MEI1: variants seen among roughly 807,000 people sequenced by gnomAD.
MEI1 encodes the protein meiotic double-stranded break formation protein 1, also known as meiosis inhibitor protein 1.
A neutral mutation model predicts 146.2 loss-of-function variants in MEI1; 103 were observed. The observed-to-expected ratio is 0.70, with a 90% CI of 0.60 to 0.83. The LOEUF is 0.83. Among genes scored for constraint, MEI1 ranks in the 40% least tolerant of loss-of-function variants. MEI1 has a pLI of 0.00. For synonymous variants in MEI1, 652 were observed against 628.2 expected, an observed-to-expected ratio of 1.04 and a Z score of -0.57; for missense variants, 1,529 against 1,533.0, an observed-to-expected ratio of 1.00 and a Z score of 0.04.
intron 11 of MEI1, among the ~76,000 whole-genome samples, chr22:41,740,995 C>T (rs2072811701): frequency 6.6e-6 from 1 of 152,152 alleles, no homozygotes; most frequent in Non-Finnish European, 1.5e-5. Context: ...GCTGCAACCT[C>T]CAACTCCCTG....
intron 1 of MEI1, among the ~76,000 whole-genome samples, chr22:41,702,828 G>A (rs765052927): frequency 1.3e-5 from 2 of 151,502 alleles, no homozygotes; most frequent in Non-Finnish European, 2.9e-5. Context: ...GCGCTATCTC[G>A]GCTCACTGCA....
chr22:41,780,683 C>A (rs1172761171), intron 22 of MEI1, among the ~76,000 whole-genome samples: 1 of 150,752 alleles, frequency 6.6e-6, no homozygotes, highest in Non-Finnish European at 1.5e-5. Flanking sequence ...CGGGCTCAGG[C>A]GATCCTTCCA....
At chr22:41,759,204 A>G (rs1056999975) in intron 18 of MEI1, 1 of 151,990 alleles carries the variant, frequency 6.6e-6, no homozygotes, top group Admixed American at 6.6e-5. Context: ...GTAAGAAATA[A>G]TTTGTTGGGC....
In MEI1 at chr22:41,776,148, T is replaced by C. The variant is rs764351379; in HGVS notation, c.2591T>C (p.Ile864Thr). 1 of 1,613,984 alleles carries C rather than the reference T, an allele frequency of 6.2e-7. No homozygotes were observed. The highest frequency in any genetic ancestry group is 8.5e-7 in the Non-Finnish European group (1 of 1,179,862). ...GTGGACACAGCTCACAAGGTACTGATTAGCCTGAGGACCTTCCTGAGGAGG... is the reference window on the plus strand; with the variant it reads ...GTGGACACAGCTCACAAGGTACTGACTAGCCTGAGGACCTTCCTGAGGAGG... ...SPVDTAHKVL[I>T]SLRTFLRRNE... The change falls in exon 21 of 31, where the codon ATT becomes ACT. Residue 864 changes from isoleucine (I) to threonine (T), a missense_variant. Coordinates refer to ENST00000401548, the MANE Select transcript of MEI1 (RefSeq NM_152513.4).
Position 41,745,967 on chromosome 22 carries a change from G to C in MEI1, c.1621G>C (p.Glu541Gln). Reference protein sequence around the residue: ...APSAKKEDTLEAFSEFLLSAC... With the variant: ...APSAKKEDTLQAFSEFLLSAC... ...CAGCGCCAAGAAGGAAGACACCTTG[G>C]AGGCCTTCTCAGAATTTCTTCTCAG... is the stretch of plus-strand genomic sequence containing the variant. Residue 541 changes from glutamate to glutamine, a missense_variant, in exon 14 of 31, where the codon GAG (glutamate) becomes CAG (glutamine). Glu to Gln is a conservative substitution (Grantham distance 29). Transcript: ENST00000401548. The C allele has an allele frequency of 1.2e-6, 2 of 1,613,416 alleles. No individual in the cohort carries two copies. The highest frequency in any genetic ancestry group is 1.7e-6 in the Non-Finnish European group (2 of 1,179,594).
At chr22:41,773,732 G>T (rs765833959) in intron 20 of MEI1, among the ~76,000 whole-genome samples, 1 of 151,936 alleles carries the variant, frequency 6.6e-6, no homozygotes, top group South Asian at 2.1e-4. Flanking sequence ...AAAATTAGCC[G>T]GGCATGGTGG....
chr22:41,715,419 G>A (rs1332361782), intron 4 of MEI1, among the ~76,000 whole-genome samples: 2 of 148,710 alleles, frequency 1.3e-5, no homozygotes, highest in African/African-American at 5.0e-5. Context: ...TTTTTGAGAC[G>A]GAGTCTTTCA....
intron 26 of MEI1, among the ~76,000 whole-genome samples, chr22:41,791,960 T>G (rs940798768): frequency 2.6e-4 from 40 of 152,252 alleles, no homozygotes; most frequent in African/African-American, 9.4e-4. Flanking sequence ...GAAAGTAGAT[T>G]AGTAGTTGCC....
At chr22:41,742,118 G>A (rs1331532804) in intron 11 of MEI1, among the ~76,000 whole-genome samples, 4 of 151,918 alleles carry the variant, frequency 2.6e-5, no homozygotes, top group Non-Finnish European at 5.9e-5. Flanking sequence ...AACTTAGCTG[G>A]GTGTAGTGGT....
intron 30 of MEI1, among the ~76,000 whole-genome samples, chr22:41,797,204 G>T (rs2076392623): frequency 6.6e-6 from 1 of 152,020 alleles, no homozygotes. Flanking sequence ...GCCCAGGCTT[G>T]TCTCAAACTC....
At chr22:41,749,525 T>C (rs918630296) in intron 15 of MEI1, among the ~76,000 whole-genome samples, 34 of 152,342 alleles carry the variant, frequency 2.2e-4, no homozygotes, top group Admixed American at 1.5e-3. Flanking sequence ...TCTGGCCACC[T>C]TGACCTCCCA....
Position 41,703,465 on chromosome 22 carries a change from GA to G in MEI1, c.298+12del. 1 of 1,554,176 alleles carries G rather than the reference GA, an allele frequency of 6.4e-7. No homozygotes were observed. Among genetic ancestry groups the G allele is most frequent in the Non-Finnish European group, 8.7e-7 (1 of 1,150,500 alleles). ...TAAGTGTGCTTTTTGGTAAGATTAA[GA>G]GGGAAATTTGACATGAGTTTTGAAT... is the stretch of plus-strand genomic sequence containing the variant. On this transcript the variant is annotated intron_variant, in intron 2 of 30. Coordinates refer to ENST00000401548, the MANE Select transcript of MEI1 (RefSeq NM_152513.4).
At chr22:41,796,351 G>GTT (rs34348723) in intron 30 of MEI1, among the ~76,000 whole-genome samples, 2 of 140,100 alleles carry the variant, frequency 1.4e-5, no homozygotes. Flanking sequence ...CCACGCCCAG[G>GTT]TTTTTTTTTT....
At chr22:41,777,312 C>T (rs1290253211) in intron 21 of MEI1, among the ~76,000 whole-genome samples, 1 of 151,910 alleles carries the variant, frequency 6.6e-6, no homozygotes. Context: ...TGCGCCACTG[C>T]ACCTGGCTAA....
chr22:41,794,946 C>T (rs754237339), intron 28 of MEI1, among the ~76,000 whole-genome samples: 1 of 152,208 alleles, frequency 6.6e-6, no homozygotes, highest in Non-Finnish European at 1.5e-5. Flanking sequence ...GGATCATCAA[C>T]AAGTACATCA....
At chr22:41,792,905 G>C (rs2076227917) in intron 26 of MEI1, among the ~76,000 whole-genome samples, 1 of 121,054 alleles carries the variant, frequency 8.3e-6, no homozygotes, top group East Asian at 2.3e-4. Flanking sequence ...TTTGATGAAA[G>C]ATCCTGTTGC....
chr22:41,762,550 ATT>A (rs1167639969), intron 18 of MEI1, among the ~76,000 whole-genome samples: 2 of 135,310 alleles, frequency 1.5e-5, no homozygotes. Context: ...AATTTAACTG[ATT>A]TTTTTTTTTT....
At chr22:41,703,505 ATCTGC>A in intron 2 of MEI1, 51 bp downstream of exon 2, 3 of 1,446,710 alleles carry the variant, frequency 2.1e-6, no homozygotes, top group Non-Finnish European at 2.7e-6. Context: ...TAGTATGTAT[ATCTGC>A]TTTTGGGGCT....
At chr22:41,786,394 C>G (rs1403745379) in intron 26 of MEI1, among the ~76,000 whole-genome samples, 2 of 152,168 alleles carry the variant, frequency 1.3e-5, no homozygotes, top group Non-Finnish European at 2.9e-5. Flanking sequence ...CTCAATTTGG[C>G]TTATAACTGA....
Sources: allele counts gnomAD v4.1 joint callset (sites outside exome capture counted in the v4.1 genomes callset), GRCh38; gene constraint gnomAD v4.1.1; transcripts MANE v1.5; gene names NCBI Gene and HGNC (gene_info 2026-07-23, HGNC 2026-07-21).